Variants in FBXL17 observed in about 807,000 individuals in gnomAD.
FBXL17 encodes the protein F-box and leucine rich repeat protein 17.
In FBXL17, 22 loss-of-function variants were observed where a neutral mutation model predicts 66.2. That is an observed-to-expected ratio of 0.33 (90% CI 0.24 to 0.47). The LOEUF (loss-of-function observed/expected upper bound fraction) is 0.47, where lower values mean the gene tolerates loss of function less well. Ranked by LOEUF, FBXL17 falls within the 20% of genes least tolerant of loss-of-function variation. The pLI, the probability that FBXL17 is intolerant of heterozygous loss-of-function variation, is 1.00. For missense variants in FBXL17, 878 were observed against 948.2 expected (o/e 0.93, Z 0.97); for synonymous variants, 474 against 400.5 (o/e 1.18, Z -2.19).
chr5:107,895,060 G>C (rs1364593792), intron 7 of FBXL17, among the ~76,000 whole-genome samples: 1 of 151,894 alleles, frequency 6.6e-6, no homozygotes, highest in Non-Finnish European at 1.5e-5. Flanking sequence ...ATATTATCAG[G>C]TTTTAATGTT....
chr5:108,162,844 T>C (rs1308196492), intron 6 of FBXL17, among the ~76,000 whole-genome samples: 1 of 152,176 alleles, frequency 6.6e-6, no homozygotes, highest in Non-Finnish European at 1.5e-5. Context: ...TGTTAGTGGT[T>C]ATTGGTATTA....
chr5:108,356,250 G>T (rs1382480673), intron 3 of FBXL17, among the ~76,000 whole-genome samples: 1 of 152,052 alleles, frequency 6.6e-6, no homozygotes, highest in African/African-American at 2.4e-5. Flanking sequence ...AAAAATGACA[G>T]AACTAGAAGG....
chr5:108,278,513 C>G (rs1226005385), intron 4 of FBXL17, among the ~76,000 whole-genome samples: 1 of 152,192 alleles, frequency 6.6e-6, no homozygotes, highest in Non-Finnish European at 1.5e-5. Flanking sequence ...GGCACTGTCT[C>G]TGGGACTTAG....
chr5:108,237,402 G>A (rs965412455), intron 4 of FBXL17, among the ~76,000 whole-genome samples: 2 of 152,158 alleles, frequency 1.3e-5, no homozygotes. Context: ...TTGCATCCCA[G>A]TTCGGTTCAG....
intron 4 of FBXL17, among the ~76,000 whole-genome samples, chr5:108,241,283 G>C (rs920184496): frequency 1.1e-4 from 16 of 152,160 alleles, no homozygotes; most frequent in African/African-American, 3.6e-4. Flanking sequence ...AATTTTATCA[G>C]ACAAGTTTAA....
chr5:108,277,512 A>G (rs1391602829), intron 4 of FBXL17, among the ~76,000 whole-genome samples: 3 of 152,208 alleles, frequency 2.0e-5, no homozygotes, highest in South Asian at 2.1e-4. Flanking sequence ...AAAAGAGACA[A>G]AAGAAACATA....
chr5:108,009,290 T>TAGATAG lies in FBXL17; in HGVS notation c.1822+11634_1822+11635insCTATCT, dbSNP rs1287152827. ...ATATATATATATATATATATATATA[T>TAGATAG]ATATATATATACATATATACATACA... On this transcript the variant is annotated intron_variant, in intron 7 of 8. Transcript: ENST00000542267. 8.8e-4 allele frequency among the ~76,000 whole-genome samples: 48 copies of TAGATAG among 54,696 alleles called. 7 individuals carry two copies. The highest frequency in any genetic ancestry group is 4.8e-3 in the African/African-American group (43 of 8,976). The allele number at this position is 54,696 out of a possible 152,430, so 35.9% of individuals were successfully genotyped here.
chr5:107,978,905 T>C (rs1752694507), intron 7 of FBXL17, among the ~76,000 whole-genome samples: 1 of 152,162 alleles, frequency 6.6e-6, no homozygotes, highest in Non-Finnish European at 1.5e-5. Context: ...CAGGAAGAAT[T>C]TGTCAGGAGA....
chr5:108,380,825 G>T lies in FBXL17; in HGVS notation c.867C>A (p.Ala289=). The T allele has an allele frequency of 8.0e-7, 1 of 1,247,960 alleles. No individual in the cohort carries two copies. The highest frequency in any genetic ancestry group is 1.0e-6 in the Non-Finnish European group (1 of 988,222). The allele number at this position is 1,247,960 out of a possible 1,614,324, so 77.3% of individuals were successfully genotyped here. A position where few individuals can be genotyped will look rare whatever the true frequency, so the allele number is the denominator to read the frequency against. Residue 289 remains alanine (A), a synonymous_variant, in exon 1 of 9, where the codon GCC becomes GCA. Coordinates refer to ENST00000542267, the MANE Select transcript of FBXL17 (RefSeq NM_001163315.3). ...VRAGGTAPLS[A]QQQHECGDAD... is the part of the protein sequence containing the mutation. ...CGTCGCCACATTCATGCTGCTGCTG[G>T]GCGGACAAGGGGGCGGTGCCCCCGG...
rs115187635 is a variant in FBXL17 at position 108,351,237 on chromosome 5, T to C, written c.1375-2707A>G. On this transcript the variant is annotated intron_variant, in intron 3 of 8. Transcript: ENST00000542267. ...CTGAATACTTATTTAACAAAAATTATAATAGAATTATGTTGGAAGGATGAG... is the reference window on the plus strand; with the variant it reads ...CTGAATACTTATTTAACAAAAATTACAATAGAATTATGTTGGAAGGATGAG... 1.8e-3 allele frequency among the ~76,000 whole-genome samples: 268 copies of C among 152,252 alleles called. 2 individuals carry two copies. The highest frequency in any genetic ancestry group is 6.3e-3 in the African/African-American group (260 of 41,552).
chr5:108,236,538 C>CA (rs987967766), intron 4 of FBXL17, among the ~76,000 whole-genome samples: 2 of 151,084 alleles, frequency 1.3e-5, no homozygotes, highest in African/African-American at 4.9e-5. Flanking sequence ...CAACAACAAC[C>CA]AAAAAAACAC....
At chr5:108,223,642 T>G (rs955005545) in intron 5 of FBXL17, among the ~76,000 whole-genome samples, 1 of 152,198 alleles carries the variant, frequency 6.6e-6, no homozygotes, top group South Asian at 2.1e-4. Context: ...TCTAAAAATA[T>G]GAAATTTCAT....
intron 4 of FBXL17, chr5:108,301,872 T>TA: frequency 4.6e-6 from 1 of 217,150 alleles, no homozygotes; most frequent in East Asian, 1.8e-4. Context: ...AAATGCCTAT[T>TA]ATGATTTTTA....
intron 4 of FBXL17, among the ~76,000 whole-genome samples, chr5:108,252,175 A>T (rs1325211758): frequency 1.3e-5 from 2 of 152,160 alleles, no homozygotes; most frequent in African/African-American, 2.4e-5. Flanking sequence ...TTTCATAAGC[A>T]CTTTGGAGAA....
At chr5:107,909,971 T>C (rs543088372) in intron 7 of FBXL17, among the ~76,000 whole-genome samples, 1 of 152,318 alleles carries the variant, frequency 6.6e-6, no homozygotes, top group Admixed American at 6.5e-5. Context: ...GGTTGTGTTC[T>C]ACAAACCTGG....
intron 6 of FBXL17, among the ~76,000 whole-genome samples, chr5:108,128,100 G>C (rs1750790663): frequency 6.6e-6 from 1 of 151,998 alleles, no homozygotes; most frequent in South Asian, 2.1e-4. Context: ...ATAGAAATTA[G>C]CTGGGCGTGG....
intron 6 of FBXL17, among the ~76,000 whole-genome samples, chr5:108,107,595 G>A (rs552664648): frequency 1.4e-4 from 22 of 151,920 alleles, no homozygotes; most frequent in African/African-American, 4.8e-4. Flanking sequence ...GGCAGATCAC[G>A]AGGTCAGGAG....
chr5:107,973,079 G>A (rs1355367321), intron 7 of FBXL17, among the ~76,000 whole-genome samples: 1 of 152,158 alleles, frequency 6.6e-6, no homozygotes, highest in Non-Finnish European at 1.5e-5. Flanking sequence ...CTCAATGCAT[G>A]CAACATTCTC....
At chr5:108,296,009 G>C (rs1327191931) in intron 4 of FBXL17, among the ~76,000 whole-genome samples, 1 of 151,236 alleles carries the variant, frequency 6.6e-6, no homozygotes, top group Non-Finnish European at 1.5e-5. Flanking sequence ...GAATAGGGTG[G>C]AACAGGGAAG....
Sources: gnomAD v4.1 joint callset for allele counts (sites outside exome capture counted in the v4.1 genomes callset) on GRCh38, gnomAD v4.1.1 for gene constraint, MANE v1.5 for transcripts, NCBI Gene and HGNC (gene_info 2026-07-23, HGNC 2026-07-21) for gene names.